PAK3: variants seen among roughly 807,000 people sequenced by gnomAD.
PAK3 encodes p21 (RAC1) activated kinase 3, also known as serine/threonine-protein kinase PAK 3.
In PAK3, 4 loss-of-function variants were observed where a neutral mutation model predicts 41.0. That is an observed-to-expected ratio of 0.10 (90% confidence interval 0.05 to 0.22). The LOEUF is 0.22. Ranked by LOEUF, PAK3 falls within the 10% of genes least tolerant of loss-of-function variation. The pLI is 1.00. For missense variants in PAK3, 205 were observed against 409.9 expected (o/e 0.50, Z 4.32); for synonymous variants, 146 against 139.6 (o/e 1.05, Z -0.32).
intron 11 of PAK3, among the ~76,000 whole-genome samples, chrX:111,184,773 T>G (rs1321197698): frequency 9.0e-6 from 1 of 111,658 alleles, no homozygotes; most frequent in Non-Finnish European, 1.9e-5. Flanking sequence ...TATATATGTG[T>G]CACATTTTCT....
At chrX:111,160,631 A>C (rs767132179) in intron 8 of PAK3, among the ~76,000 whole-genome samples, 5 of 106,335 alleles carry the variant, frequency 4.7e-5, no homozygotes, top group East Asian at 3.0e-4. Flanking sequence ...CCCACCCCAC[A>C]ACAGTCCCCG....
chrX:111,168,894 C>T (rs1028462386), intron 10 of PAK3, among the ~76,000 whole-genome samples: 1 of 111,219 alleles, frequency 9.0e-6, no homozygotes, highest in African/African-American at 3.3e-5. Context: ...TAAAAAAGTC[C>T]AGGCCCTTGC....
intron 1 of PAK3, among the ~76,000 whole-genome samples, chrX:110,990,400 C>T (rs948829644): frequency 8.9e-5 from 10 of 111,736 alleles, no homozygotes; most frequent in Non-Finnish European, 1.3e-4. Context: ...GCAGGGCATG[C>T]CAAGAAGCAT....
intron 1 of PAK3, among the ~76,000 whole-genome samples, chrX:110,980,756 C>A (rs956486114): frequency 1.8e-5 from 2 of 112,045 alleles, no homozygotes; most frequent in Non-Finnish European, 3.8e-5. Context: ...TAATCCAATG[C>A]AATAGACTCA....
chrX:111,157,189 A>G (rs903655992), intron 8 of PAK3, among the ~76,000 whole-genome samples: 6 of 111,587 alleles, frequency 5.4e-5, no homozygotes, highest in African/African-American at 2.0e-4. Context: ...TGGAGTAGAA[A>G]CCTAAAATCT....
At chrX:111,205,539 GA>G (rs2094736584) in intron 16 of PAK3, among the ~76,000 whole-genome samples, 1 of 110,468 alleles carries the variant, frequency 9.1e-6, no homozygotes, top group Admixed American at 9.7e-5. Flanking sequence ...CCACAGAATG[GA>G]AAAATCCTCC....
chrX:111,046,075 G>A lies in PAK3; in HGVS notation c.-27-77002G>A, dbSNP rs184707666. Among the ~76,000 whole-genome samples, 5 of 111,700 alleles carry A rather than the reference G, an allele frequency of 4.5e-5. No homozygotes were observed. In the East Asian group the frequency reaches 8.5e-4, roughly 19 times the overall value. ...CTCCTTAACTGGGAGCGAGAGGAGA[G>A]CCTCGTCTGCTGCTGGGCAGAGAAA... On this transcript the variant is annotated intron_variant, in intron 1 of 14. Coordinates refer to the PAK3 transcript ENST00000425146.
chrX:110,979,558 T>C (rs964537650), intron 1 of PAK3, among the ~76,000 whole-genome samples: 1 of 111,839 alleles, frequency 8.9e-6, no homozygotes, highest in Admixed American at 9.5e-5. Context: ...CCTCCCAAAG[T>C]GCTGGGATTA....
chrX:111,122,895 CA>C (rs1465145852), intron 4 of PAK3, among the ~76,000 whole-genome samples, 181 bp from the exon 5 acceptor site: 1 of 111,639 alleles, frequency 9.0e-6, no homozygotes, highest in African/African-American at 3.3e-5. Context: ...AAAATTGCAT[CA>C]GGGTTTTTGG....
chrX:111,041,795 C>T (rs1386209607), intron 1 of PAK3, among the ~76,000 whole-genome samples: 1 of 111,313 alleles, frequency 9.0e-6, no homozygotes, highest in Non-Finnish European at 1.9e-5. Flanking sequence ...CTTCAATAAA[C>T]TTTATTGGAC....
chrX:111,025,858 A>T (rs958689984), intron 1 of PAK3, among the ~76,000 whole-genome samples: 2 of 110,285 alleles, frequency 1.8e-5, no homozygotes, highest in African/African-American at 6.6e-5. Context: ...AAAAAAGAAA[A>T]CTACAGACCA....
intron 10 of PAK3, among the ~76,000 whole-genome samples, 188 bp from the exon 11 acceptor site, chrX:111,172,830 A>G (rs1480273297): frequency 9.0e-6 from 1 of 111,550 alleles, no homozygotes; most frequent in African/African-American, 3.3e-5. Flanking sequence ...TAATAAGTAG[A>G]AAGTATCATT....
chrX:111,102,939 C>G (rs2093171686), intron 3 of PAK3, among the ~76,000 whole-genome samples: 1 of 111,848 alleles, frequency 8.9e-6, no homozygotes, highest in Admixed American at 9.5e-5. Context: ...CACTTCTTAG[C>G]CCTCTGATTT....
intron 1 of PAK3, among the ~76,000 whole-genome samples, chrX:111,075,510 A>G (rs970121778): frequency 3.5e-5 from 4 of 112,904 alleles, no homozygotes; most frequent in African/African-American, 1.3e-4. Flanking sequence ...ACAGAATGCA[A>G]GAGTGAAGGA....
intron 5 of PAK3, among the ~76,000 whole-genome samples, chrX:111,132,159 C>T (rs1407814126): frequency 1.8e-5 from 2 of 110,847 alleles, no homozygotes; most frequent in Non-Finnish European, 3.8e-5. Context: ...CCGAAAGCAT[C>T]TATCATCCAG....
intron 1 of PAK3, among the ~76,000 whole-genome samples, chrX:110,972,936 A>G (rs935369918): frequency 8.9e-6 from 1 of 112,036 alleles, no homozygotes; most frequent in African/African-American, 3.2e-5. Flanking sequence ...TCAATAGCCG[A>G]TTCGATCAAG....
intron 1 of PAK3, among the ~76,000 whole-genome samples, chrX:110,971,220 A>G (rs1015918747): frequency 4.5e-5 from 5 of 111,826 alleles, no homozygotes; most frequent in African/African-American, 1.6e-4. Context: ...TAAACCACAT[A>G]CCCCTTAGCT....
intron 4 of PAK3, among the ~76,000 whole-genome samples, chrX:111,109,884 C>G (rs997491961): frequency 8.0e-5 from 9 of 112,014 alleles, no homozygotes; most frequent in African/African-American, 2.9e-4. Flanking sequence ...TAATATGAAA[C>G]TTTCCGTGAC....
At chrX:111,110,928 G>A (rs773980594) in intron 4 of PAK3, among the ~76,000 whole-genome samples, 23 of 111,647 alleles carry the variant, frequency 2.1e-4, no homozygotes, top group Non-Finnish European at 2.5e-4. Flanking sequence ...CTCTTCTCTT[G>A]GTTTCTATGA....
Sources: gnomAD v4.1 joint callset for allele counts (sites outside exome capture counted in the v4.1 genomes callset) on GRCh38, gnomAD v4.1.1 for gene constraint, MANE v1.5 for transcripts, NCBI Gene and HGNC (gene_info 2026-07-23, HGNC 2026-07-21) for gene names.